COL6A5: variants seen among roughly 807,000 people sequenced by gnomAD.
The protein encoded by COL6A5 is collagen alpha-5(VI) chain.
In COL6A5, 48 loss-of-function variants were observed where a neutral mutation model predicts 65.6. That is an observed-to-expected ratio of 0.73 (90% CI 0.58 to 0.93). The LOEUF (loss-of-function observed/expected upper bound fraction) is 0.93, where lower values mean the gene tolerates loss of function less well. Ranked by LOEUF, COL6A5 falls within the 40% of genes least tolerant of loss-of-function variation. The pLI, the probability that COL6A5 is intolerant of heterozygous loss-of-function variation, is 0.00. For synonymous variants in COL6A5, 291 were observed against 322.8 expected (o/e 0.90, Z 1.05); for missense variants, 914 against 928.3 (o/e 0.98, Z 0.20).
intron 7 of COL6A5, chr3:130,477,162 C>T: frequency 9.3e-7 from 1 of 1,080,418 alleles, no homozygotes; most frequent in Non-Finnish European, 1.3e-6. Flanking sequence ...TAAAGTTAGG[C>T]CATGAAACAG....
At chr3:130,355,714 TAAAC>T (rs371033430) in intron 1 of COL6A5, among the ~76,000 whole-genome samples, 4 of 151,818 alleles carry the variant, frequency 2.6e-5, no homozygotes, top group African/African-American at 9.7e-5. Context: ...CAAAATAAAT[TAAAC>T]AAAACAAATA....
chr3:130,397,474 A>G, intron 8 of COL6A5, 109 bp from the exon 9 acceptor site: 2 of 737,356 alleles, frequency 2.7e-6, no homozygotes, highest in Non-Finnish European at 4.4e-6. Flanking sequence ...CTATTTGGGG[A>G]CTAGAGACCC....
chr3:130,438,419 G>T (rs1361360965), intron 1 of COL6A5, among the ~76,000 whole-genome samples: 3 of 152,286 alleles, frequency 2.0e-5, no homozygotes, highest in African/African-American at 7.2e-5. Context: ...ATGAATGAAT[G>T]AATGAATGAA....
intron 4 of COL6A5, among the ~76,000 whole-genome samples, chr3:130,445,028 A>G (rs1287968150): frequency 2.6e-5 from 4 of 152,176 alleles, no homozygotes; most frequent in African/African-American, 9.6e-5. Context: ...GACTGTCTTA[A>G]ATCATTAATT....
Position 130,405,668 on chromosome 3 carries a change from C to A in COL6A5, c.4353+9C>A. The A allele has an allele frequency of 6.5e-7, 1 of 1,540,308 alleles. No individual in the cohort carries two copies. Among genetic ancestry groups the A allele is most frequent in the Non-Finnish European group, 8.8e-7 (1 of 1,137,036 alleles). ...GGGCGTGGGGTCAGAAGGTAAGGCTCTTCTGTAAATGTTATTTCCAATTCT... is the reference window on the plus strand; with the variant it reads ...GGGCGTGGGGTCAGAAGGTAAGGCTATTCTGTAAATGTTATTTCCAATTCT... On this transcript the variant is annotated intron_variant and NMD_transcript_variant, in intron 14 of 41. Coordinates refer to the COL6A5 transcript ENST00000312481.
chr3:130,475,716 A>G (rs1330181486), intron 7 of COL6A5, among the ~76,000 whole-genome samples: 1 of 152,106 alleles, frequency 6.6e-6, no homozygotes, highest in Non-Finnish European at 1.5e-5. Flanking sequence ...AAGGGACACA[A>G]ATGAGAAATC....
exon 8 of COL6A5, chr3:130,395,223 A>T: frequency 6.4e-7 from 1 of 1,551,680 alleles, no homozygotes; most frequent in Non-Finnish European, 8.7e-7. Context: ...GGTGTCCCCC[A>T]AACTTTGGTT....
At chr3:130,401,308 T>G (rs1257527841) in intron 11 of COL6A5, 135 bp downstream of exon 11, 1 of 751,516 alleles carries the variant, frequency 1.3e-6, no homozygotes, top group African/African-American at 1.8e-5. Flanking sequence ...TATAAAAAAG[T>G]GTGGAAGACC....
chr3:130,380,857 A>G (rs1935971560), intron 4 of COL6A5, among the ~76,000 whole-genome samples: 1 of 152,122 alleles, frequency 6.6e-6, no homozygotes. Flanking sequence ...CTGTTTCACA[A>G]ATAAGTCCAG....
rs146268154 is a variant in COL6A5 at position 130,442,448 on chromosome 3, A to C, written c.1242-1028A>C. The stretch of plus-strand genomic sequence containing the variant: ...AATATTTGTAAAAGACTATAAAACA[A>C]CTCAAAGATGGTCATGCTGGGCTGT... On this transcript the variant is annotated intron_variant, in intron 3 of 7. Transcript: ENST00000512836. Among the ~76,000 whole-genome samples the C allele has an allele frequency of 4.6e-5, 7 of 152,198 alleles. No homozygotes were observed. In the East Asian group the frequency reaches 1.4e-3, roughly 29 times the overall value.
intron 7 of COL6A5, chr3:130,477,484 C>T (rs1210001199): frequency 1.2e-5 from 2 of 161,182 alleles, no homozygotes; most frequent in Non-Finnish European, 2.7e-5. Flanking sequence ...AGTACATTTT[C>T]AAGAATTTAA....
At position 130,376,773 on chromosome 3, in the gene COL6A5, A is replaced by G. The variant is rs958867862; in HGVS notation, c.604A>G (p.Met202Val). 1.9e-6 allele frequency: 3 copies of G among 1,613,566 alleles called. No homozygotes were observed. In the African/African-American group the frequency reaches 4.0e-5, roughly 22 times the overall value. Residue 202 changes from methionine (M) to valine (V), a missense_variant and NMD_transcript_variant, in exon 3 of 42, where the codon ATG becomes GTG. By Grantham distance (21) the Met-to-Val change is conservative. Transcript: ENST00000312481. The stretch of plus-strand genomic sequence containing the variant: ...AGACCTCAGCACATTTTCCCAAAAC[A>G]TGACACAGATCATCAAGGATGTAAC...
chr3:130,395,055 A>G (rs1238269669), exon 8 of COL6A5: 2 of 1,551,672 alleles, frequency 1.3e-6, no homozygotes, highest in South Asian at 1.2e-5. Context: ...GGAAGCAACT[A>G]CCAGAGTATT....
chr3:130,483,398 G>C (rs1710298270), intron 7 of COL6A5, among the ~76,000 whole-genome samples: 1 of 152,104 alleles, frequency 6.6e-6, no homozygotes, highest in Non-Finnish European at 1.5e-5. Context: ...ATGTAAACAG[G>C]CTAAATGCCC....
In COL6A5 at chr3:130,460,756, T is replaced by C. The variant is rs369319309; in HGVS notation, c.1544+5090T>C. On this transcript the variant is annotated intron_variant, in intron 5 of 7. Coordinates refer to ENST00000512836, the Ensembl canonical transcript of COL6A5. ...GGTAGGGATGGTGGTGGTGGTAATA[T>C]TGGTGGTGGTGGAGGTGGTGGTGAT... Among the ~76,000 whole-genome samples the C allele has an allele frequency of 5.3e-5, 8 of 151,186 alleles. No homozygotes were observed. The South Asian group carries it at 1.1e-3, about 20-fold the overall frequency.
intron 1 of COL6A5, among the ~76,000 whole-genome samples, chr3:130,347,306 A>G (rs989638095): frequency 2.6e-5 from 4 of 152,004 alleles, no homozygotes; most frequent in Admixed American, 6.6e-5. Flanking sequence ...ATGATATTGA[A>G]CTATTATTAA....
chr3:130,472,856 T>TATATATATATATATATATATATATAC (rs752157374), intron 7 of COL6A5, among the ~76,000 whole-genome samples: 1 of 143,376 alleles, frequency 7.0e-6, no homozygotes, highest in Non-Finnish European at 1.5e-5. Context: ...TATATATATA[T>TATATATATATATATATATATATATAC]ATACACATTT....
chr3:130,459,579 A>G (rs541621093), intron 5 of COL6A5, among the ~76,000 whole-genome samples: 13 of 152,038 alleles, frequency 8.6e-5, no homozygotes, highest in Admixed American at 2.6e-4. Flanking sequence ...CCTCACAACA[A>G]TGAATTATCA....
rs374300805 is a variant in COL6A5 at position 130,431,806 on chromosome 3, G to A, written c.346G>A (p.Val116Met). The A allele has an allele frequency of 7.3e-5, 113 of 1,551,624 alleles. No individual in the cohort carries two copies. The African/African-American group carries it at 8.2e-4, about 11-fold the overall frequency. ...CAAGCGGACGTATGCAGGAGCCAAC[G>A]TGAGGAGAGTTGCTGTGTTTTTTAG... Residue 116 changes from valine (V) to methionine (M), a missense_variant, in exon 1 of 8, where the codon GTG becomes ATG. Coordinates refer to ENST00000512836, the Ensembl canonical transcript of COL6A5.
Sources: gnomAD v4.1 joint callset for allele counts (sites outside exome capture counted in the v4.1 genomes callset) on GRCh38, gnomAD v4.1.1 for gene constraint, MANE v1.5 for transcripts, NCBI Gene and HGNC (gene_info 2026-07-23, HGNC 2026-07-21) for gene names.